The following ECHDC3 variants were observed in gnomAD, a reference collection of about 807,000 sequenced individuals.
ECHDC3 encodes enoyl-CoA hydratase domain containing 3.
A neutral mutation model predicts 17.9 loss-of-function variants in ECHDC3; 20 were observed. The ratio of observed to expected loss-of-function variants is 1.12; its 90% CI spans 0.79 to 1.63. The LOEUF (loss-of-function observed/expected upper bound fraction) is 1.63, where lower values mean the gene tolerates loss of function less well. ECHDC3 is among the 40% of genes most tolerant of loss of function. ECHDC3 has a pLI of 0.00. For missense variants in ECHDC3, 407 were observed against 357.7 expected (o/e 1.14, Z -1.11); for synonymous variants, 177 against 149.7 (o/e 1.18, Z -1.33).
chr10:11,755,970 A>G (rs560167584), intron 4 of ECHDC3, among the ~76,000 whole-genome samples: 2 of 152,230 alleles, frequency 1.3e-5, no homozygotes, highest in Non-Finnish European at 2.9e-5. Flanking sequence ...GTTTTGTTGC[A>G]CTGAATGGTT....
In ECHDC3 at chr10:11,749,606, A is replaced by G. The variant is rs1263533862; in HGVS notation, c.390+14A>G. On this transcript the variant is annotated intron_variant, in intron 3 of 4. Coordinates refer to ENST00000379215, the MANE Select transcript of ECHDC3 (RefSeq NM_024693.5). ...ACCTGTTCCAAGGTAAGCCAAGACG[A>G]CAGTCGACAGTGCAAACCTGCAAAT... 2 of 1,612,812 alleles carry G rather than the reference A, an allele frequency of 1.2e-6. No homozygotes were observed. Among genetic ancestry groups the G allele is most frequent in the Non-Finnish European group, 1.7e-6 (2 of 1,179,028 alleles).
chr10:11,756,421 T>G (rs1832887349), intron 4 of ECHDC3, among the ~76,000 whole-genome samples: 1 of 152,252 alleles, frequency 6.6e-6, no homozygotes, highest in African/African-American at 2.4e-5. Context: ...CTAATGTATA[T>G]GATCTGCTTT....
rs754546573 is a variant in ECHDC3, at chr10:11,763,560, T to G, written c.*16T>G. 3.4e-4 allele frequency: 500 copies of G among 1,489,140 alleles called. No homozygotes were observed. Among genetic ancestry groups the G allele is most frequent in the Non-Finnish European group, 4.4e-4 (487 of 1,118,668 alleles). The allele number at this position is 1,489,140 out of a possible 1,614,324, so 92.2% of individuals were successfully genotyped here. A position where few individuals can be genotyped will look rare whatever the true frequency, so the allele number is the denominator to read the frequency against. Reference sequence around the variant, plus strand: ...GCCAGTGTGAGTGGAGGCAGAGGAGTGAGGCCCACGGGCAGCGCCCAGGAG... The same window carrying G: ...GCCAGTGTGAGTGGAGGCAGAGGAGGGAGGCCCACGGGCAGCGCCCAGGAG... On this transcript the variant is annotated 3_prime_UTR_variant, in exon 5 of 5. Coordinates refer to ENST00000379215, the MANE Select transcript of ECHDC3 (RefSeq NM_024693.5). This position sits in a 1 kb window ranked among gnomAD's most constrained non-coding sequence, Gnocchi z 4.9.
chr10:11,762,580 G>T (rs1052768267), intron 4 of ECHDC3, among the ~76,000 whole-genome samples: 3 of 152,204 alleles, frequency 2.0e-5, no homozygotes, highest in Admixed American at 6.5e-5. Flanking sequence ...AGAGGACACG[G>T]TGAGGAGGGA....
intron 1 of ECHDC3, among the ~76,000 whole-genome samples, chr10:11,744,548 TATCAC>T (rs1014377846): frequency 1.3e-5 from 2 of 152,076 alleles, no homozygotes; most frequent in Non-Finnish European, 2.9e-5. Context: ...CCTTGACACT[TATCAC>T]ATGCTCTGGT....
chr10:11,745,358 AG>A (rs2133786025), intron 1 of ECHDC3, among the ~76,000 whole-genome samples: 1 of 152,316 alleles, frequency 6.6e-6, no homozygotes, highest in East Asian at 1.9e-4. Context: ...ATGGGATGGC[AG>A]CTTTTTATAT....
intron 4 of ECHDC3, chr10:11,755,849 A>C: frequency 2.1e-6 from 1 of 484,850 alleles, no homozygotes; most frequent in Non-Finnish European, 3.7e-6. Flanking sequence ...AAATCACTGC[A>C]TTTCCATCAT....
In ECHDC3 at chr10:11,763,159, G is replaced by A. The variant is rs76735292; in HGVS notation, c.592-65G>A. 1,945 of 672,732 alleles carry A rather than the reference G, an allele frequency of 2.9e-3. 39 individuals carry two copies. The East Asian group carries it at 0.033, about 12-fold the overall frequency. The allele number at this position is 672,732 out of a possible 1,614,324, so 41.7% of individuals were successfully genotyped here. A position where few individuals can be genotyped will look rare whatever the true frequency, so the allele number is the denominator to read the frequency against. ...AGGAAGCAGGTCATTGAGCCGAGGC[G>A]GGACTCAGGTGGCGGGGGCGGGTCA... On this transcript the variant is annotated intron_variant, in intron 4 of 4. Transcript: ENST00000379215. The surrounding 1 kb of genome is among the most constrained non-coding windows in gnomAD (Gnocchi z 4.9).
chr10:11,758,704 ACCCATGACC>A (rs1188567211), intron 4 of ECHDC3, among the ~76,000 whole-genome samples: 1 of 152,118 alleles, frequency 6.6e-6, no homozygotes, highest in African/African-American at 2.4e-5. Flanking sequence ...GTGAGATGGG[ACCCATGACC>A]CTCACTCCAG....
At chr10:11,748,423 G>A (rs1172995812) in intron 2 of ECHDC3, among the ~76,000 whole-genome samples, 2 of 152,138 alleles carry the variant, frequency 1.3e-5, no homozygotes, top group South Asian at 2.1e-4. Flanking sequence ...ATGGTGTCTT[G>A]CTATGTTGCC....
At chr10:11,759,899 A>C (rs559057452) in intron 4 of ECHDC3, among the ~76,000 whole-genome samples, 2 of 152,226 alleles carry the variant, frequency 1.3e-5, no homozygotes, top group Non-Finnish European at 2.9e-5. Context: ...GCAATACTGC[A>C]GGAGGTGCTC....
chr10:11,747,189 T>TA (rs1392523795), intron 1 of ECHDC3, 160 bp from the exon 2 acceptor site: 1 of 874,412 alleles, frequency 1.1e-6, no homozygotes, highest in South Asian at 2.1e-5. Context: ...GACTTGGCTG[T>TA]AACTCCAGAG....
chr10:11,758,166 C>T (rs1163330674), intron 4 of ECHDC3, among the ~76,000 whole-genome samples: 1 of 152,234 alleles, frequency 6.6e-6, no homozygotes, highest in African/African-American at 2.4e-5. Context: ...ACTATGCAAT[C>T]AAGCCTGTCT....
chr10:11,760,247 T>TG (rs1206883250), intron 4 of ECHDC3, among the ~76,000 whole-genome samples: 3 of 152,166 alleles, frequency 2.0e-5, no homozygotes, highest in African/African-American at 7.2e-5. Context: ...AGGTGAGAAA[T>TG]GGCTTGCTCA....
chr10:11,758,829 G>A (rs970719139), intron 4 of ECHDC3, among the ~76,000 whole-genome samples: 2 of 152,218 alleles, frequency 1.3e-5, no homozygotes, highest in African/African-American at 4.8e-5. Flanking sequence ...GTATCCCATG[G>A]GTTCTGTTCA....
At chr10:11,751,457 A>T (rs961167593) in intron 3 of ECHDC3, among the ~76,000 whole-genome samples, 7 of 152,262 alleles carry the variant, frequency 4.6e-5, no homozygotes, top group African/African-American at 1.7e-4. Context: ...TATGAGTGCC[A>T]TGAACTTGTG....
chr10:11,749,521 C>A lies in ECHDC3; in HGVS notation c.319C>A (p.His107Asn), dbSNP rs759295596. Residue 107 changes from histidine (H) to asparagine (N), a missense_variant, in exon 3 of 5, where the codon CAT becomes AAT. Transcript: ENST00000379215. ...TGAGGGGCCTGTGTTTTCTTCTGGGCATGACTTAAAGGAGCTGACAGAGGA... is the reference window on the plus strand; with the variant it reads ...TGAGGGGCCTGTGTTTTCTTCTGGGAATGACTTAAAGGAGCTGACAGAGGA... ...SAEGPVFSSG[H>N]DLKELTEEQG... The A allele has an allele frequency of 6.2e-7, 1 of 1,613,988 alleles. No individual in the cohort carries two copies. The highest frequency in any genetic ancestry group is 1.3e-5 in the African/African-American group (1 of 74,910).
intron 2 of ECHDC3, among the ~76,000 whole-genome samples, chr10:11,749,244 C>G (rs61169245): frequency 0.021 from 3,137 of 152,248 alleles, 120 homozygotes; most frequent in African/African-American, 0.071. Flanking sequence ...TTGTGTATTT[C>G]TATCATTTTC....
chr10:11,762,198 A>G (rs11257310), intron 4 of ECHDC3, among the ~76,000 whole-genome samples: 92,209 of 152,044 alleles, frequency 0.61, 28,304 homozygotes, highest in Middle Eastern at 0.66. Context: ...GCCAGACGGG[A>G]GTCGCATCAG....
Sources: allele counts gnomAD v4.1 joint callset (sites outside exome capture counted in the v4.1 genomes callset), GRCh38; gene constraint gnomAD v4.1.1; non-coding constraint Gnocchi (gnomAD v3.1); transcripts MANE v1.5; gene names NCBI Gene and HGNC (gene_info 2026-07-23, HGNC 2026-07-21).